The following PLPPR1 variants were observed in gnomAD, a reference collection of about 807,000 sequenced individuals.
PLPPR1 encodes phospholipid phosphatase-related protein type 1.
PLPPR1 carries 10 observed loss-of-function variants against 33.1 expected under a neutral mutation model. That is an observed-to-expected ratio of 0.30 (90% confidence interval 0.19 to 0.51). The LOEUF (loss-of-function observed/expected upper bound fraction) is 0.51, where lower values mean the gene tolerates loss of function less well. Among genes scored for constraint, PLPPR1 ranks in the 20% least tolerant of loss-of-function variants. The pLI is 0.97. For missense variants in PLPPR1, 304 were observed against 408.1 expected, an observed-to-expected ratio of 0.74 and a Z score of 2.20; for synonymous variants, 151 against 151.0, an observed-to-expected ratio of 1.00 and a Z score of 0.00.
chr9:101,277,328 C>T (rs1828215204), intron 3 of PLPPR1, among the ~76,000 whole-genome samples: 1 of 152,132 alleles, frequency 6.6e-6, no homozygotes, highest in Non-Finnish European at 1.5e-5. Flanking sequence ...ATCTGATCAC[C>T]AGCCTCTGCT....
At chr9:101,114,781 A>G (rs1467393962) in intron 1 of PLPPR1, among the ~76,000 whole-genome samples, 1 of 152,178 alleles carries the variant, frequency 6.6e-6, no homozygotes, top group Non-Finnish European at 1.5e-5. Flanking sequence ...GCTGGTCCCA[A>G]TTTAATGAAG....
intron 4 of PLPPR1, among the ~76,000 whole-genome samples, chr9:101,297,003 A>C (rs1250700203): frequency 1.3e-5 from 2 of 152,204 alleles, no homozygotes; most frequent in Admixed American, 1.3e-4. Flanking sequence ...TTTAAATAAA[A>C]AGAATGCAAC....
intron 1 of PLPPR1, among the ~76,000 whole-genome samples, chr9:101,054,607 T>C (rs996263317): frequency 6.6e-6 from 1 of 152,236 alleles, no homozygotes; most frequent in Non-Finnish European, 1.5e-5. Context: ...AAAGACTTAT[T>C]GCTTATTATC....
intron 1 of PLPPR1, among the ~76,000 whole-genome samples, chr9:101,177,257 T>A (rs1007821037): frequency 6.6e-6 from 1 of 152,196 alleles, no homozygotes; most frequent in African/African-American, 2.4e-5. Flanking sequence ...ATGGGATGCC[T>A]TTTCTTTTTT....
chr9:101,147,394 G>C (rs183883395), intron 1 of PLPPR1, among the ~76,000 whole-genome samples: 10 of 152,146 alleles, frequency 6.6e-5, no homozygotes, highest in Admixed American at 5.2e-4. Context: ...AATTACTCTG[G>C]GAATCATGAT....
At position 101,146,144 on chromosome 9, in the gene PLPPR1, T is replaced by C. The variant is rs190640419; in HGVS notation, c.-45-39306T>C. On this transcript the variant is annotated intron_variant, in intron 1 of 7. Coordinates refer to ENST00000374874, the MANE Select transcript of PLPPR1 (RefSeq NM_207299.2). ...TCATATCTCTTGGCATTTCTCATAG[T>C]GTAGCATAATTTTTTATGTGTCTCT... 2.8e-3 allele frequency among the ~76,000 whole-genome samples: 420 copies of C among 152,320 alleles called. 3 individuals are homozygous for C. The highest frequency in any genetic ancestry group is 9.0e-3 in the African/African-American group (375 of 41,566).
chr9:101,315,161 G>T (rs1829029124), intron 6 of PLPPR1, among the ~76,000 whole-genome samples: 1 of 151,838 alleles, frequency 6.6e-6, no homozygotes, highest in Non-Finnish European at 1.5e-5. Flanking sequence ...GTTAATTATT[G>T]TCACTCTACT....
chr9:101,200,615 A>T (rs891548290), intron 2 of PLPPR1, among the ~76,000 whole-genome samples: 16 of 152,176 alleles, frequency 1.1e-4, no homozygotes, highest in African/African-American at 3.4e-4. Context: ...CAGTGTAGAC[A>T]ATTTCATTTT....
chr9:101,043,038 A>G (rs1830095162), intron 1 of PLPPR1, among the ~76,000 whole-genome samples: 1 of 151,992 alleles, frequency 6.6e-6, no homozygotes, highest in Non-Finnish European at 1.5e-5. Context: ...CCAATTGGTA[A>G]CCTTTTATCT....
intron 1 of PLPPR1, among the ~76,000 whole-genome samples, chr9:101,137,553 G>A (rs762809867): frequency 2.6e-5 from 4 of 152,154 alleles, no homozygotes; most frequent in African/African-American, 2.4e-5. Flanking sequence ...GTACAGCTTC[G>A]TGAGCAGAGA....
chr9:101,161,759 C>G (rs1437967926), intron 1 of PLPPR1, among the ~76,000 whole-genome samples: 1 of 151,964 alleles, frequency 6.6e-6, no homozygotes, highest in Admixed American at 6.6e-5. Context: ...AAAGTATTAC[C>G]TTTTTCAAAC....
At chr9:101,275,697 A>G (rs1022696188) in intron 3 of PLPPR1, among the ~76,000 whole-genome samples, 2 of 152,132 alleles carry the variant, frequency 1.3e-5, no homozygotes, top group Non-Finnish European at 2.9e-5. Context: ...ATTTACCCTC[A>G]TTTTATCTCA....
At chr9:101,171,691 C>T (rs937128017) in intron 1 of PLPPR1, among the ~76,000 whole-genome samples, 1 of 152,174 alleles carries the variant, frequency 6.6e-6, no homozygotes, top group Admixed American at 6.6e-5. Context: ...CTATTTTGCA[C>T]TCACCTGCAA....
At chr9:101,296,626 A>T (rs1828646755) in intron 4 of PLPPR1, among the ~76,000 whole-genome samples, 2 of 152,036 alleles carry the variant, frequency 1.3e-5, no homozygotes, top group South Asian at 4.2e-4. Context: ...GCCATAAAAA[A>T]TGAGTTCATG....
chr9:101,043,072 C>G (rs1830095753), intron 1 of PLPPR1, among the ~76,000 whole-genome samples: 1 of 152,074 alleles, frequency 6.6e-6, no homozygotes, highest in South Asian at 2.1e-4. Context: ...CACCCTTTCC[C>G]CCTGAGTCCC....
intron 7 of PLPPR1, among the ~76,000 whole-genome samples, chr9:101,319,193 C>G (rs568580657): frequency 3.3e-5 from 5 of 152,176 alleles, no homozygotes; most frequent in African/African-American, 1.2e-4. Context: ...TTTTCCCCCG[C>G]TGAGATGGAG....
intron 1 of PLPPR1, among the ~76,000 whole-genome samples, chr9:101,036,864 T>C (rs1830017400): frequency 6.6e-6 from 1 of 152,120 alleles, no homozygotes; most frequent in Non-Finnish European, 1.5e-5. Context: ...GGAAAATAGG[T>C]ATCAGTATCC....
chr9:101,306,897 C>T (rs1254500061), intron 4 of PLPPR1, among the ~76,000 whole-genome samples: 1 of 152,166 alleles, frequency 6.6e-6, no homozygotes, highest in African/African-American at 2.4e-5. Context: ...AAAATACACA[C>T]AAGGAGCGTA....
intron 1 of PLPPR1, among the ~76,000 whole-genome samples, chr9:101,096,834 G>A (rs748754140): frequency 1.4e-4 from 22 of 152,278 alleles, no homozygotes; most frequent in Admixed American, 2.6e-4. Context: ...AGAGGCTGAC[G>A]TGGAAGGATT....
Sources: allele counts gnomAD v4.1 joint callset (sites outside exome capture counted in the v4.1 genomes callset), GRCh38; gene constraint gnomAD v4.1.1; transcripts MANE v1.5; gene names NCBI Gene and HGNC (gene_info 2026-07-23, HGNC 2026-07-21).